Variants in KHDRBS1 observed in about 807,000 individuals in gnomAD.
KHDRBS1 encodes the protein KH RNA binding domain containing, signal transduction associated 1.
Under a neutral mutation model 48.4 loss-of-function variants are expected in KHDRBS1, and 7 were observed. The ratio of observed to expected loss-of-function variants is 0.14; its 90% CI spans 0.08 to 0.27. KHDRBS1 has a LOEUF of 0.27. Ranked by LOEUF, KHDRBS1 falls within the 10% of genes least tolerant of loss-of-function variation. KHDRBS1 has a pLI of 1.00. For missense variants in KHDRBS1, 458 were observed against 601.2 expected (o/e 0.76, Z 2.49); for synonymous variants, 241 against 235.8 (o/e 1.02, Z -0.20).
At chr1:32,036,498 A>G (rs1038178734) in intron 4 of KHDRBS1, among the ~76,000 whole-genome samples, 1 of 152,130 alleles carries the variant, frequency 6.6e-6, no homozygotes, top group African/African-American at 2.4e-5. Flanking sequence ...TGAAAAATCT[A>G]TATAAAGCTT....
intron 7 of KHDRBS1, 95 bp from the exon 8 acceptor site, chr1:32,039,420 A>G (rs771284439): frequency 2.5e-5 from 19 of 759,982 alleles, no homozygotes; most frequent in African/African-American, 5.1e-5. Context: ...CTGTATTAAT[A>G]CACTTAGTAA....
intron 4 of KHDRBS1, among the ~76,000 whole-genome samples, chr1:32,033,670 G>A (rs935501489): frequency 1.3e-5 from 2 of 152,180 alleles, no homozygotes; most frequent in African/African-American, 4.8e-5. Flanking sequence ...TAGTAGTGTG[G>A]AACAAGGAGA....
downstream of KHDRBS1, among the ~76,000 whole-genome samples, chr1:32,047,888 C>CT (rs1223792706): frequency 1.3e-5 from 2 of 152,210 alleles, no homozygotes; most frequent in African/African-American, 4.8e-5. Flanking sequence ...TTGGCAGCCA[C>CT]TACTCTTTCT....
chr1:32,045,488 A>T (rs1639346155), downstream of KHDRBS1: 1 of 152,574 alleles, frequency 6.6e-6, no homozygotes, highest in Admixed American at 6.5e-5. Flanking sequence ...TCAATGGGTT[A>T]ATCTTTTTTG....
chr1:32,057,016 G>A (rs1639485617), intron 10 of KHDRBS1, among the ~76,000 whole-genome samples: 1 of 152,002 alleles, frequency 6.6e-6, no homozygotes, highest in Admixed American at 6.6e-5. Flanking sequence ...GTGCAATGAG[G>A]GTATACAACC....
chr1:32,030,246 CA>C, intron 1 of KHDRBS1, 51 bp from the exon 2 acceptor site: 3 of 1,531,436 alleles, frequency 2.0e-6, no homozygotes, highest in Non-Finnish European at 2.7e-6. Flanking sequence ...AAGCAGACTT[CA>C]AAATTTGCAT....
intron 1 of KHDRBS1, among the ~76,000 whole-genome samples, chr1:32,028,282 C>G (rs1639013435): frequency 6.6e-6 from 1 of 151,962 alleles, no homozygotes; most frequent in Non-Finnish European, 1.5e-5. Flanking sequence ...ATTCCTAACA[C>G]AAATCCCAGA....
chr1:32,051,112 G>A (rs565156082), intron 10 of KHDRBS1, among the ~76,000 whole-genome samples: 2 of 152,160 alleles, frequency 1.3e-5, no homozygotes, highest in Non-Finnish European at 2.9e-5. Flanking sequence ...TGGCCAGGCT[G>A]ATCTCGAACT....
intron 3 of KHDRBS1, among the ~76,000 whole-genome samples, chr1:32,032,782 C>T (rs937295381): frequency 2.0e-5 from 3 of 152,042 alleles, no homozygotes; most frequent in South Asian, 2.1e-4. Context: ...CTCCACCTCA[C>T]GGGTTCAAGC....
Position 32,043,307 on chromosome 1 carries a change from C to G in KHDRBS1, c.*683C>G, listed in dbSNP as rs1000523623. Reference sequence around the variant, plus strand: ...TAAAAAAAAAAACAACAAAATTAGGCTTGTAAAACTGACTTTTTCATTACG... The same window carrying G: ...TAAAAAAAAAAACAACAAAATTAGGGTTGTAAAACTGACTTTTTCATTACG... On this transcript the variant is annotated 3_prime_UTR_variant, in exon 9 of 9. Transcript: ENST00000327300. 1 of 151,880 alleles carries G rather than the reference C, an allele frequency of 6.6e-6. No homozygotes were observed. Among genetic ancestry groups the G allele is most frequent in the African/African-American group, 2.4e-5 (1 of 41,240 alleles). 9.4% of individuals were successfully genotyped at this position (151,880 alleles called of 1,614,324 possible).
At chr1:32,023,850 G>A (rs1638909472) in intron 1 of KHDRBS1, among the ~76,000 whole-genome samples, 1 of 152,090 alleles carries the variant, frequency 6.6e-6, no homozygotes, top group Admixed American at 6.6e-5. Context: ...AGTGTCTGAG[G>A]GTATAAATTG....
At chr1:32,016,036 C>T (rs975859837) in intron 1 of KHDRBS1, among the ~76,000 whole-genome samples, 3 of 151,934 alleles carry the variant, frequency 2.0e-5, no homozygotes, top group South Asian at 2.1e-4. Flanking sequence ...AAATTAGCTT[C>T]GCGTGGTGGC....
intron 10 of KHDRBS1, among the ~76,000 whole-genome samples, chr1:32,057,655 T>C (rs1569830005): frequency 6.7e-6 from 1 of 149,380 alleles, no homozygotes; most frequent in East Asian, 2.0e-4. Flanking sequence ...AAAAATTAGC[T>C]GGGCATGGTG....
rs745330014 is a variant in KHDRBS1 at position 32,037,906 on chromosome 1, G to A, written c.977G>A (p.Gly326Asp). ...GTPVRGAITR[G>D]ATVTRGVPPP... ...CCAGTAAGGGGAGCCATCACCAGAGGTGCCACTGTGACTCGAGGCGTGCCA... is the reference window on the plus strand; with the variant it reads ...CCAGTAAGGGGAGCCATCACCAGAGATGCCACTGTGACTCGAGGCGTGCCA... Residue 326 changes from glycine to aspartate, a missense_variant, in exon 6 of 9, where the codon GGT becomes GAT. Around this residue, in one of 3 missense-constraint regions of KHDRBS1, gnomAD observed 171 missense variants for 228.7 expected, o/e 0.75. Coordinates refer to ENST00000327300, the MANE Select transcript of KHDRBS1 (RefSeq NM_006559.3). 3 of 1,614,246 alleles carry A rather than the reference G, an allele frequency of 1.9e-6. No homozygotes were observed. The highest frequency in any genetic ancestry group is 2.2e-5 in the South Asian group (2 of 91,090).
intron 10 of KHDRBS1, among the ~76,000 whole-genome samples, chr1:32,056,453 T>A (rs1417102127): frequency 6.6e-6 from 1 of 152,220 alleles, no homozygotes; most frequent in Non-Finnish European, 1.5e-5. Flanking sequence ...AATATTGCAT[T>A]AAGATGCCTG....
At chr1:32,022,612 C>A (rs954549532) in intron 1 of KHDRBS1, among the ~76,000 whole-genome samples, 19 of 151,690 alleles carry the variant, frequency 1.3e-4, no homozygotes, top group Non-Finnish European at 2.5e-4. Context: ...TTCAGTTGGC[C>A]GGGCGCGGTG....
chr1:32,038,256 C>A (rs1420753411), intron 6 of KHDRBS1: 14 of 724,734 alleles, frequency 1.9e-5, no homozygotes, highest in Non-Finnish European at 3.1e-5. Flanking sequence ...ATAAAATGTA[C>A]TTTAATGTAG....
intron 10 of KHDRBS1, among the ~76,000 whole-genome samples, chr1:32,054,838 T>C (rs895918404): frequency 3.9e-5 from 6 of 152,230 alleles, no homozygotes; most frequent in Non-Finnish European, 8.8e-5. Flanking sequence ...AAGGCAGTTA[T>C]TCCAGTGTGG....
At chr1:32,038,523 A>C (rs1175912259) in intron 6 of KHDRBS1, 29 bp from the exon 7 acceptor site, 1 of 1,608,322 alleles carries the variant, frequency 6.2e-7, no homozygotes, top group African/African-American at 1.3e-5. Flanking sequence ...TTGATCTTTT[A>C]TTTCATTTTT....
Sources: gnomAD v4.1 joint callset for allele counts (sites outside exome capture counted in the v4.1 genomes callset) on GRCh38, gnomAD v4.1.1 for gene constraint, gnomAD v4.1.1 regional missense constraint, MANE v1.5 for transcripts, NCBI Gene and HGNC (gene_info 2026-07-23, HGNC 2026-07-21) for gene names.